Variants in YES1 observed in about 807,000 individuals in gnomAD.
The protein encoded by YES1 is tyrosine-protein kinase Yes.
YES1 carries 39 observed loss-of-function variants against 70.4 expected under a neutral mutation model. The observed-to-expected ratio is 0.55, with a 90% CI of 0.43 to 0.72. YES1 has a LOEUF of 0.72. Ranked by LOEUF, YES1 falls within the 30% of genes least tolerant of loss-of-function variation. The pLI is 0.00. For missense variants in YES1, 495 were observed against 644.8 expected (o/e 0.77, Z 2.52); for synonymous variants, 198 against 218.6 (o/e 0.91, Z 0.83).
rs182684758 is a variant in YES1 at position 721,611 on chromosome 18, T to G, written c.*2813A>C. On this transcript the variant is annotated 3_prime_UTR_variant, in exon 12 of 12. Coordinates refer to ENST00000314574, the MANE Select transcript of YES1 (RefSeq NM_005433.4). Reference sequence around the variant, plus strand: ...AATGAGTTCAATAATGTTCTGAATTTAATAAAGGATTGATTAAATTCTGCT... The same window carrying G: ...AATGAGTTCAATAATGTTCTGAATTGAATAAAGGATTGATTAAATTCTGCT... The G allele has an allele frequency of 9.3e-4, 141 of 152,280 alleles. 2 individuals are homozygous for G. The highest frequency in any genetic ancestry group is 3.3e-3 in the African/African-American group (136 of 41,570). The allele number at this position is 152,280 out of a possible 1,614,324, so 9.4% of individuals were successfully genotyped here.
chr18:766,212 C>T (rs1380067284), intron 1 of YES1, among the ~76,000 whole-genome samples: 3 of 152,142 alleles, frequency 2.0e-5, no homozygotes, highest in East Asian at 3.9e-4. Flanking sequence ...GCCACTTACA[C>T]GGTCTTATCT....
At position 756,767 on chromosome 18, in the gene YES1, T is replaced by C; in HGVS notation, c.61A>G (p.Thr21Ala). 1 of 1,614,156 alleles carries C rather than the reference T, an allele frequency of 6.2e-7. No individual in the cohort carries two copies. The highest frequency in any genetic ancestry group is 1.1e-5 in the South Asian group (1 of 91,090). The change falls in exon 2 of 12, where the codon ACT (threonine) becomes GCT (alanine). Residue 21 changes from threonine to alanine, a missense_variant. By Grantham distance (58) the Thr-to-Ala change is moderately conservative. Around this residue, in one of 2 missense-constraint regions of YES1, gnomAD observed 110 missense variants for 104.0 expected, o/e 1.06. Coordinates refer to ENST00000314574, the MANE Select transcript of YES1 (RefSeq NM_005433.4). ...SPAIKYRPENTPEPVSTSVSH... is the reference protein window; with the variant it reads ...SPAIKYRPENAPEPVSTSVSH... Reference sequence around the variant, plus strand: ...ACACTTGTACTGACAGGCTCTGGAGTATTTTCAGGTCTGTATTTAATGGCT... The same window carrying C: ...ACACTTGTACTGACAGGCTCTGGAGCATTTTCAGGTCTGTATTTAATGGCT...
chr18:744,211 G>A (rs2080251069), intron 6 of YES1, among the ~76,000 whole-genome samples: 1 of 151,848 alleles, frequency 6.6e-6, no homozygotes, highest in South Asian at 2.1e-4. Context: ...TTAGTAAATG[G>A]TAGAGATGGG....
chr18:741,255 T>C (rs1167166317), intron 8 of YES1, among the ~76,000 whole-genome samples: 6 of 151,688 alleles, frequency 4.0e-5, no homozygotes, highest in African/African-American at 1.5e-4. Context: ...TTTTTTTTTT[T>C]CTTTTTTGAG....
chr18:751,680 C>G, intron 3 of YES1, 25 bp downstream of exon 3: 1 of 1,424,712 alleles, frequency 7.0e-7, no homozygotes, highest in African/African-American at 1.4e-5. Context: ...CAGTATTTCT[C>G]TCACAAAATA....
intron 11 of YES1, among the ~76,000 whole-genome samples, chr18:729,871 C>T (rs139669835): frequency 0.017 from 2,585 of 152,234 alleles, 27 homozygotes; most frequent in Middle Eastern, 0.037. Context: ...GTGATCCACC[C>T]GCCTTGGCTT....
At chr18:765,623 C>A (rs928033385) in intron 1 of YES1, among the ~76,000 whole-genome samples, 10 of 152,042 alleles carry the variant, frequency 6.6e-5, no homozygotes, top group African/African-American at 1.9e-4. Flanking sequence ...TGGTCTCGAA[C>A]GCCTGACCTT....
At chr18:793,484 C>G (rs1457892519) in intron 1 of YES1, among the ~76,000 whole-genome samples, 1 of 152,104 alleles carries the variant, frequency 6.6e-6, no homozygotes, top group Admixed American at 6.6e-5. Flanking sequence ...CTACAGGCAT[C>G]TGCCACTACA....
At chr18:736,484 T>C (rs1395475439) in intron 10 of YES1, 1 of 193,830 alleles carries the variant, frequency 5.2e-6, no homozygotes, top group Non-Finnish European at 1.1e-5. Context: ...TGAGTGGCGG[T>C]ACAGGGCAAT....
chr18:780,535 C>G (rs1905606534), intron 1 of YES1, among the ~76,000 whole-genome samples: 1 of 152,098 alleles, frequency 6.6e-6, no homozygotes, highest in Admixed American at 6.5e-5. Context: ...TCATATGCCA[C>G]CCCATGACCT....
At chr18:732,587 G>A (rs949493441) in intron 11 of YES1, among the ~76,000 whole-genome samples, 1 of 152,052 alleles carries the variant, frequency 6.6e-6, no homozygotes, top group Non-Finnish European at 1.5e-5. Context: ...TCCTGAGAAA[G>A]CTGAGGTGAA....
In YES1 at chr18:764,291, C is replaced by T. The variant is rs552087485; in HGVS notation, c.-8-7456G>A. 5.9e-5 allele frequency among the ~76,000 whole-genome samples: 9 copies of T among 152,248 alleles called. No homozygotes were observed. In the South Asian group the frequency reaches 8.3e-4, roughly 14 times the overall value. Reference sequence around the variant, plus strand: ...AGGCTAGAGCACAATGGTACAATCCCGGCACACTACAACCTCTGCCTCCTG... The same window carrying T: ...AGGCTAGAGCACAATGGTACAATCCTGGCACACTACAACCTCTGCCTCCTG... On this transcript the variant is annotated intron_variant, in intron 1 of 11. Coordinates refer to ENST00000314574, the MANE Select transcript of YES1 (RefSeq NM_005433.4).
chr18:763,313 C>T (rs1268737031), intron 1 of YES1, among the ~76,000 whole-genome samples: 1 of 151,920 alleles, frequency 6.6e-6, no homozygotes, highest in East Asian at 1.9e-4. Context: ...ATAACTATGA[C>T]AAAAGGATGA....
Position 723,291 on chromosome 18 carries a change from T to A in YES1, c.*1133A>T, listed in dbSNP as rs2079981305. 6.6e-6 allele frequency: 1 copy of A among 152,656 alleles called. No individual in the cohort carries two copies. The highest frequency in any genetic ancestry group is 1.5e-5 in the Non-Finnish European group (1 of 68,034). The allele number at this position is 152,656 out of a possible 1,614,324, so 9.5% of individuals were successfully genotyped here. On this transcript the variant is annotated 3_prime_UTR_variant, in exon 12 of 12. Coordinates refer to ENST00000314574, the MANE Select transcript of YES1 (RefSeq NM_005433.4). ...TTTATAACTCTTCAAAGTCTCAGAA[T>A]ATAGCTAAGTGAGGAGCTCTGAGTG... is the stretch of plus-strand genomic sequence containing the variant.
At chr18:726,785 A>C (rs1474611236) in intron 11 of YES1, among the ~76,000 whole-genome samples, 7 of 59,966 alleles carry the variant, frequency 1.2e-4, no homozygotes, top group Non-Finnish European at 2.4e-4. Flanking sequence ...TTGTCTCAAA[A>C]AAAAAAAAAA....
chr18:743,828 C>A (rs967478977), intron 6 of YES1, among the ~76,000 whole-genome samples: 1 of 151,432 alleles, frequency 6.6e-6, no homozygotes, highest in Non-Finnish European at 1.5e-5. Flanking sequence ...ATCGCATGAA[C>A]CCAGGAGGCA....
chr18:731,164 G>T (rs1298498750), intron 11 of YES1, among the ~76,000 whole-genome samples: 2 of 152,168 alleles, frequency 1.3e-5, no homozygotes, highest in South Asian at 4.1e-4. Flanking sequence ...AATAGATTTT[G>T]AAAGGGTTGC....
intron 1 of YES1, among the ~76,000 whole-genome samples, chr18:760,193 G>C (rs939386999): frequency 1.3e-5 from 2 of 152,062 alleles, no homozygotes; most frequent in South Asian, 4.1e-4. Flanking sequence ...AGGGGGACTG[G>C]GCACAGTGGC....
chr18:764,963 T>A (rs553427887), intron 1 of YES1, among the ~76,000 whole-genome samples: 2 of 151,466 alleles, frequency 1.3e-5, no homozygotes, highest in African/African-American at 4.9e-5. Flanking sequence ...CTCAAACTCC[T>A]GACCTTGTGA....
Sources: gnomAD v4.1 joint callset for allele counts (sites outside exome capture counted in the v4.1 genomes callset) on GRCh38, gnomAD v4.1.1 for gene constraint, gnomAD v4.1.1 regional missense constraint, MANE v1.5 for transcripts, NCBI Gene and HGNC (gene_info 2026-07-23, HGNC 2026-07-21) for gene names.